The following DRAP1 variants were observed in gnomAD, a reference collection of about 807,000 sequenced individuals.
The protein encoded by DRAP1 is dr1-associated corepressor.
Under a neutral mutation model 24.1 loss-of-function variants are expected in DRAP1, and 10 were observed. The observed-to-expected ratio is 0.41, with a 90% CI of 0.26 to 0.70. The LOEUF is 0.70. Ranked by LOEUF, DRAP1 falls within the 30% of genes least tolerant of loss-of-function variation. The pLI is 0.29. For missense variants in DRAP1, 264 were observed against 275.6 expected, an observed-to-expected ratio of 0.96 and a Z score of 0.30; for synonymous variants, 122 against 113.8, an observed-to-expected ratio of 1.07 and a Z score of -0.46.
Position 65,920,944 on chromosome 11 carries a change from G to A in DRAP1, c.484G>A (p.Ala162Thr), listed in dbSNP as rs1470000923. ...EEETSQPPPQ[A>T]SHPSAHFQSP... ...GGAGACATCACAACCCCCACCCCAG[G>A]CCAGCCACCCCTCTGCCCACTTTCA... The change falls in exon 6 of 7, where the codon GCC (alanine) becomes ACC (threonine). Residue 162 changes from alanine to threonine, a missense_variant. Physicochemically the swap from Ala to Thr is moderately conservative, Grantham distance 58. Coordinates refer to ENST00000312515, the MANE Select transcript of DRAP1 (RefSeq NM_006442.4). The A allele has an allele frequency of 5.0e-6, 8 of 1,612,810 alleles. No individual in the cohort carries two copies. The highest frequency in any genetic ancestry group is 5.9e-6 in the Non-Finnish European group (7 of 1,179,438).
chr11:65,921,008 A>C, intron 6 of DRAP1, 36 bp downstream of exon 6: 1 of 1,516,276 alleles, frequency 6.6e-7, no homozygotes, highest in Non-Finnish European at 9.0e-7. Flanking sequence ...GTGCTGGCAG[A>C]CTCCCCAGAG....
Position 65,920,866 on chromosome 11 carries a change from C to T in DRAP1, c.424-18C>T, listed in dbSNP as rs375126909. Reference sequence around the variant, plus strand: ...TCGTGTCTTTTCTTGTCAACTCTGACCTCTGCGGTGCTCACAGGATGAATC... The same window carrying T: ...TCGTGTCTTTTCTTGTCAACTCTGATCTCTGCGGTGCTCACAGGATGAATC... On this transcript the variant is annotated intron_variant, in intron 5 of 6. Transcript: ENST00000312515. 1.7e-5 allele frequency: 28 copies of T among 1,605,964 alleles called. No individual in the cohort carries two copies. The highest frequency in any genetic ancestry group is 5.4e-5 in the African/African-American group (4 of 74,750).
intron 3 of DRAP1, 81 bp downstream of exon 3, chr11:65,920,122 G>A (rs779613613): frequency 1.5e-4 from 225 of 1,540,106 alleles, no homozygotes; most frequent in Non-Finnish European, 1.8e-4. Flanking sequence ...CCTGGGTGGC[G>A]AGGGAGGTGG....
chr11:65,921,051 TG>T (rs1854544769), intron 6 of DRAP1, 79 bp downstream of exon 6: 1 of 1,116,086 alleles, frequency 9.0e-7, no homozygotes, highest in Admixed American at 2.8e-5. Flanking sequence ...CCTGGCCCCT[TG>T]GTCTTGTTGA....
intron 4 of DRAP1, 45 bp from the exon 5 acceptor site, chr11:65,920,524 A>G: frequency 6.2e-7 from 1 of 1,610,536 alleles, no homozygotes; most frequent in Non-Finnish European, 8.5e-7. Context: ...GGGGTGGCCA[A>G]GGAGTAGGGA....
rs761980588 is a variant in DRAP1 at position 65,920,377 on chromosome 11, T to C, written c.244T>C (p.Phe82Leu). The C allele has an allele frequency of 1.9e-6, 3 of 1,614,100 alleles. No individual in the cohort carries two copies. Among genetic ancestry groups the C allele is most frequent in the Non-Finnish European group, 2.5e-6 (3 of 1,180,012 alleles). The change falls in exon 4 of 7, where the codon TTC (phenylalanine) becomes CTC (leucine). Residue 82 changes from phenylalanine (F) to leucine (L), a missense_variant. Physicochemically the swap from Phe to Leu is conservative, Grantham distance 22. This residue lies in a region of DRAP1 where 243 missense variants were observed against 233.6 expected (regional missense o/e 1.04). Coordinates refer to ENST00000312515, the MANE Select transcript of DRAP1 (RefSeq NM_006442.4). ...QCIELEQQFD[F>L]LKDLVASVPD... ...CATCGAGCTGGAGCAGCAGTTTGAC[T>C]TCTTGAAGGACCTGGTGGCATCTGT...
Position 65,920,047 on chromosome 11 carries a change from C to T in DRAP1, c.209+6C>T, listed in dbSNP as rs1005076716. The T allele has an allele frequency of 3.1e-6, 5 of 1,612,338 alleles. No homozygotes were observed. Among genetic ancestry groups the T allele is most frequent in the Admixed American group, 1.7e-5 (1 of 59,874 alleles). ...ACCATGACCACATCCCACCTGTGAG[C>T]GGCGAGGAGCCGGGAGGGGCCGGCG... On this transcript the variant is annotated splice_donor_region_variant and intron_variant, in intron 3 of 6. Transcript: ENST00000312515.
Position 65,919,452 on chromosome 11 carries a change from G to C in DRAP1, c.-50G>C, listed in dbSNP as rs1854518129. On this transcript the variant is annotated 5_prime_UTR_variant, in exon 1 of 7. Transcript: ENST00000312515. Reference sequence around the variant, plus strand: ...GGCGGCGAGCAGGCCCGGGAGCCGGGAGGCTGCGGGCGGCGGCGCTGGACC... The same window carrying C: ...GGCGGCGAGCAGGCCCGGGAGCCGGCAGGCTGCGGGCGGCGGCGCTGGACC... 3.3e-6 allele frequency: 5 copies of C among 1,514,080 alleles called. No individual in the cohort carries two copies. The East Asian group carries it at 1.1e-4, about 33-fold the overall frequency. The allele number at this position is 1,514,080 out of a possible 1,614,324, so 93.8% of individuals were successfully genotyped here.
Position 65,920,550 on chromosome 11 carries a change from G to C in DRAP1, c.330-19G>C. ...GGAGTAGGGAGCACTCCGGGCAGAT[G>C]GACTGTACCTTCCCAAAGGGGCCGG... On this transcript the variant is annotated intron_variant, in intron 4 of 6. Transcript: ENST00000312515. 1 of 1,603,606 alleles carries C rather than the reference G, an allele frequency of 6.2e-7. No homozygotes were observed. Among genetic ancestry groups the C allele is most frequent in the Non-Finnish European group, 8.5e-7 (1 of 1,174,608 alleles).
Position 65,920,050 on chromosome 11 carries a change from C to T in DRAP1, c.209+9C>T, listed in dbSNP as rs1464491672. The T allele has an allele frequency of 6.2e-7, 1 of 1,612,366 alleles. No homozygotes were observed. The highest frequency in any genetic ancestry group is 8.5e-7 in the Non-Finnish European group (1 of 1,179,368). On this transcript the variant is annotated intron_variant, in intron 3 of 6. Transcript: ENST00000312515. ...ATGACCACATCCCACCTGTGAGCGG[C>T]GAGGAGCCGGGAGGGGCCGGCGGGT...
chr11:65,920,759 T>C lies in DRAP1; in HGVS notation c.423+97T>C, dbSNP rs1456794966. ...CAGGAGGCCAGCTCTCATCCTTTTC[T>C]GCAACCTGTTTGCTCACTGGTTTAT... On this transcript the variant is annotated intron_variant, in intron 5 of 6. Coordinates refer to ENST00000312515, the MANE Select transcript of DRAP1 (RefSeq NM_006442.4). 4.8e-6 allele frequency: 7 copies of C among 1,446,720 alleles called. No homozygotes were observed. In the East Asian group the frequency reaches 1.2e-4, roughly 25 times the overall value. 89.6% of individuals were successfully genotyped at this position (1,446,720 alleles called of 1,614,324 possible). A position where few individuals can be genotyped will look rare whatever the true frequency, so the allele number is the denominator to read the frequency against.
Position 65,921,451 on chromosome 11 carries a change from A to G in DRAP1, c.*16A>G. ...CGACTCCTAGCGCCTTCTGCCCCCC[A>G]GACCATAGCCCCTTTTAGTTGGTTT... is the stretch of plus-strand genomic sequence containing the variant. On this transcript the variant is annotated 3_prime_UTR_variant, in exon 7 of 7. Coordinates refer to ENST00000312515, the MANE Select transcript of DRAP1 (RefSeq NM_006442.4). 1.4e-6 allele frequency: 2 copies of G among 1,395,268 alleles called. No individual in the cohort carries two copies. The highest frequency in any genetic ancestry group is 2.0e-6 in the Non-Finnish European group (2 of 982,488). 86.4% of individuals were successfully genotyped at this position (1,395,268 alleles called of 1,614,324 possible). A position where few individuals can be genotyped will look rare whatever the true frequency, so the allele number is the denominator to read the frequency against.
Position 65,919,433 on chromosome 11 carries a change from G to C in DRAP1, c.-69G>C. 1.4e-6 allele frequency: 2 copies of C among 1,475,846 alleles called. No homozygotes were observed. Among genetic ancestry groups the C allele is most frequent in the Admixed American group, 2.5e-5 (1 of 39,576 alleles). The allele number at this position is 1,475,846 out of a possible 1,614,324, so 91.4% of individuals were successfully genotyped here. ...AGGGGAACCGCGACGGGCGGGCGGC[G>C]AGCAGGCCCGGGAGCCGGGAGGCTG... On this transcript the variant is annotated 5_prime_UTR_variant, in exon 1 of 7. Coordinates refer to ENST00000312515, the MANE Select transcript of DRAP1 (RefSeq NM_006442.4).
At chr11:65,920,802 G>T in intron 5 of DRAP1, 82 bp from the exon 6 acceptor site, 1 of 1,491,012 alleles carries the variant, frequency 6.7e-7, no homozygotes, top group Non-Finnish European at 9.1e-7. Flanking sequence ...TTGGGGCTAT[G>T]AGGGTCTACT....
intron 5 of DRAP1, 95 bp downstream of exon 5, chr11:65,920,757 T>C: frequency 6.9e-7 from 1 of 1,446,858 alleles, no homozygotes; most frequent in East Asian, 2.5e-5. Context: ...CTCATCCTTT[T>C]CTGCAACCTG....
At position 65,921,489 on chromosome 11, in the gene DRAP1, G is replaced by C. The variant is rs1047602710; in HGVS notation, c.*54G>C. On this transcript the variant is annotated 3_prime_UTR_variant, in exon 7 of 7. Transcript: ENST00000312515. ...TTTTAGTTGGTTTTAGTTGCTCTGG[G>C]GGGAGGAGAGAAGGTAGAGCTGTTC... is the stretch of plus-strand genomic sequence containing the variant. 2.4e-6 allele frequency: 2 copies of C among 830,742 alleles called. No homozygotes were observed. The highest frequency in any genetic ancestry group is 2.4e-4 in the Middle Eastern group (1 of 4,224). 51.5% of individuals were successfully genotyped at this position (830,742 alleles called of 1,614,324 possible).
intron 5 of DRAP1, 96 bp downstream of exon 5, chr11:65,920,758 C>T: frequency 6.9e-7 from 1 of 1,446,834 alleles, no homozygotes; most frequent in Non-Finnish European, 9.2e-7. Flanking sequence ...TCATCCTTTT[C>T]TGCAACCTGT....
At position 65,921,437 on chromosome 11, in the gene DRAP1, G is replaced by T; in HGVS notation, c.*2G>T. 2.5e-6 allele frequency: 4 copies of T among 1,575,684 alleles called. No individual in the cohort carries two copies. Among genetic ancestry groups the T allele is most frequent in the South Asian group, 2.2e-5 (2 of 90,164 alleles). On this transcript the variant is annotated 3_prime_UTR_variant, in exon 7 of 7. Transcript: ENST00000312515. ...GACGAAGAAGATTACGACTCCTAGC[G>T]CCTTCTGCCCCCCAGACCATAGCCC...
chr11:65,921,331 C>T lies in DRAP1; in HGVS notation c.514C>T (p.Pro172Ser). ...TCTCTCCTGCCTTCTGCCCTGCAGC[C>T]CCCCGACACCCTTCCTGCCCTTCGC... ...ASHPSAHFQS[P>S]PTPFLPFAST... The change falls in exon 7 of 7, where the codon CCC becomes TCC. Residue 172 changes from proline (P) to serine (S), a missense_variant and splice_region_variant. Pro to Ser is a moderately conservative substitution (Grantham distance 74). Around this residue, in one of 2 missense-constraint regions of DRAP1, gnomAD observed 243 missense variants for 233.6 expected, o/e 1.04. Coordinates refer to ENST00000312515, the MANE Select transcript of DRAP1 (RefSeq NM_006442.4). 2 of 1,587,602 alleles carry T rather than the reference C, an allele frequency of 1.3e-6. No individual in the cohort carries two copies. Among genetic ancestry groups the T allele is most frequent in the Non-Finnish European group, 1.7e-6 (2 of 1,157,194 alleles).
Sources: gnomAD v4.1 joint callset for allele counts on GRCh38, gnomAD v4.1.1 for gene constraint, gnomAD v4.1.1 regional missense constraint, MANE v1.5 for transcripts, NCBI Gene and HGNC (gene_info 2026-07-23, HGNC 2026-07-21) for gene names.